AFAP1: variants seen among roughly 807,000 people sequenced by gnomAD.
AFAP1 encodes the protein actin filament associated protein 1.
Under a neutral mutation model 93.9 loss-of-function variants are expected in AFAP1, and 75 were observed. That is an observed-to-expected ratio of 0.80 (90% CI 0.66 to 0.97). AFAP1 has a LOEUF of 0.97. Among genes scored for constraint, AFAP1 ranks in the 50% least tolerant of loss-of-function variants. AFAP1 has a pLI of 0.00. For synonymous variants in AFAP1, 517 were observed against 430.7 expected (o/e 1.20, Z -2.48); for missense variants, 1,201 against 1,050.8 (o/e 1.14, Z -1.98).
At chr4:7,860,738 C>A (rs895249419) in intron 3 of AFAP1, among the ~76,000 whole-genome samples, 1 of 152,140 alleles carries the variant, frequency 6.6e-6, no homozygotes, top group Non-Finnish European at 1.5e-5. Context: ...TACCACACAG[C>A]GGGCTGAGCG....
Position 7,782,299 on chromosome 4 carries a change from C to CT in AFAP1, c.1531-673_1531-672insA, listed in dbSNP as rs1157296768. ...TCGCGCTCCTTCTGGGGACATGAGA[C>CT]CACCTGCAGGCTCCTCCAAGCCCCT... On this transcript the variant is annotated intron_variant, in intron 12 of 17. Coordinates refer to ENST00000420658, the MANE Select transcript of AFAP1 (RefSeq NM_001134647.2). 3.3e-5 allele frequency among the ~76,000 whole-genome samples: 5 copies of CT among 152,352 alleles called. No individual in the cohort carries two copies. In the East Asian group the frequency reaches 7.7e-4, roughly 24 times the overall value.
intron 3 of AFAP1, among the ~76,000 whole-genome samples, chr4:7,857,566 A>C (rs999556541): frequency 6.6e-6 from 1 of 152,166 alleles, no homozygotes; most frequent in Non-Finnish European, 1.5e-5. Flanking sequence ...CAGGTCCTTC[A>C]TATCTTCCTA....
intron 1 of AFAP1, among the ~76,000 whole-genome samples, chr4:7,879,912 G>A (rs570206750): frequency 6.6e-6 from 1 of 152,160 alleles, no homozygotes; most frequent in Middle Eastern, 3.4e-3. Flanking sequence ...TGATCGGCCT[G>A]CCTCGGCCTC....
intron 8 of AFAP1, 117 bp from the exon 9 acceptor site, chr4:7,809,880 G>T: frequency 8.1e-7 from 1 of 1,227,298 alleles, no homozygotes; most frequent in Non-Finnish European, 1.1e-6. Flanking sequence ...TTTTATTAAA[G>T]ACAGGGTCTC....
chr4:7,902,408 G>T (rs139360725), intron 1 of AFAP1, among the ~76,000 whole-genome samples: 1 of 152,298 alleles, frequency 6.6e-6, no homozygotes, highest in African/African-American at 2.4e-5. Flanking sequence ...AGCCCACAAT[G>T]GCTGCTAATC....
intron 4 of AFAP1, among the ~76,000 whole-genome samples, chr4:7,846,234 G>A (rs891485010): frequency 4.6e-5 from 7 of 152,160 alleles, no homozygotes; most frequent in African/African-American, 1.7e-4. Context: ...CTTGAATGGT[G>A]GTTACACAGA....
Position 7,769,014 on chromosome 4 carries a change from C to T in AFAP1, c.2254-6G>A, listed in dbSNP as rs563141184. 107 of 1,599,360 alleles carry T rather than the reference C, an allele frequency of 6.7e-5. No individual in the cohort carries two copies. Among genetic ancestry groups the T allele is most frequent in the African/African-American group, 5.5e-4 (41 of 74,684 alleles). On this transcript the variant is annotated splice_region_variant and splice_polypyrimidine_tract_variant and intron_variant, in intron 16 of 17. Transcript: ENST00000420658. The stretch of plus-strand genomic sequence containing the variant: ...CGGTGCCGGAACACTGGAGACTTAA[C>T]GGAGAGAGAGAACCCCATGTGATGA...
intron 10 of AFAP1, among the ~76,000 whole-genome samples, chr4:7,798,360 T>TCTATTGGCTGGCTCACGGCACTGCAACC (rs1718677375): frequency 3.7e-5 from 4 of 108,650 alleles, no homozygotes; most frequent in Admixed American, 3.3e-4. Flanking sequence ...GCACTGCAAC[T>TCTATTGGCTGGCTCACGGCACTGCAACC]CTATTGGCTG....
intron 6 of AFAP1, among the ~76,000 whole-genome samples, chr4:7,829,484 T>G (rs1721705729): frequency 6.6e-6 from 1 of 152,216 alleles, no homozygotes; most frequent in South Asian, 2.1e-4. Flanking sequence ...CAAACCTGGC[T>G]TTGCCTCAGT....
At chr4:7,799,504 C>T (rs1032851985) in intron 10 of AFAP1, among the ~76,000 whole-genome samples, 2 of 152,228 alleles carry the variant, frequency 1.3e-5, no homozygotes, top group Non-Finnish European at 2.9e-5. Flanking sequence ...CCGGCTCCCA[C>T]ACCAGGTGAG....
At position 7,781,481 on chromosome 4, in the gene AFAP1, C is replaced by G; in HGVS notation, c.1677G>C (p.Leu559=). Reference sequence around the variant, plus strand: ...GGTTAGAGGACAGCTTGTCAGCAGACAGCCTAGAGGCCTTTCTGTCAGCAG... The same window carrying G: ...GGTTAGAGGACAGCTTGTCAGCAGAGAGCCTAGAGGCCTTTCTGTCAGCAG... ...YSPADRKASR[L]SADKLSSNHY... The change falls in exon 13 of 18, where the codon CTG becomes CTC. Residue 559 remains leucine, a synonymous_variant. Transcript: ENST00000420658. 1 of 1,552,186 alleles carries G rather than the reference C, an allele frequency of 6.4e-7. No individual in the cohort carries two copies. Among genetic ancestry groups the G allele is most frequent in the Non-Finnish European group, 8.7e-7 (1 of 1,147,094 alleles).
chr4:7,799,244 C>T (rs541485134), intron 10 of AFAP1: 8 of 206,636 alleles, frequency 3.9e-5, no homozygotes, highest in African/African-American at 1.2e-4. Flanking sequence ...AAACCAGCCA[C>T]GGGGGCAGCA....
chr4:7,933,841 C>A (rs1721236415), intron 1 of AFAP1, among the ~76,000 whole-genome samples: 1 of 152,182 alleles, frequency 6.6e-6, no homozygotes, highest in Non-Finnish European at 1.5e-5. Flanking sequence ...TGCAGCCCAG[C>A]CCACATGGTG....
chr4:7,935,411 T>C (rs535565424), intron 1 of AFAP1, among the ~76,000 whole-genome samples: 3 of 152,206 alleles, frequency 2.0e-5, no homozygotes, highest in Non-Finnish European at 4.4e-5. Context: ...TTCATACTTA[T>C]ATCCTGTCAA....
At chr4:7,869,628 T>G (rs1286860792) in intron 2 of AFAP1, among the ~76,000 whole-genome samples, 2 of 152,124 alleles carry the variant, frequency 1.3e-5, no homozygotes, top group African/African-American at 4.8e-5. Context: ...CAAGTTTTAA[T>G]TTGGGCACAG....
chr4:7,920,723 C>T (rs980157516), intron 1 of AFAP1, among the ~76,000 whole-genome samples: 1 of 152,150 alleles, frequency 6.6e-6, no homozygotes, highest in African/African-American at 2.4e-5. Context: ...CTTCTTCCTT[C>T]GAATCTCTAT....
At chr4:7,822,573 C>G (rs1444413222) in intron 6 of AFAP1, among the ~76,000 whole-genome samples, 4 of 137,842 alleles carry the variant, frequency 2.9e-5, no homozygotes, top group Non-Finnish European at 6.2e-5. Context: ...TGTCTTCTTT[C>G]TTTTTCTTTT....
chr4:7,856,805 G>T (rs557278752), intron 3 of AFAP1, among the ~76,000 whole-genome samples: 1 of 152,284 alleles, frequency 6.6e-6, no homozygotes, highest in East Asian at 1.9e-4. Flanking sequence ...TGGCTGAGTG[G>T]CAGGAAAGCC....
intron 1 of AFAP1, among the ~76,000 whole-genome samples, chr4:7,908,766 C>T (rs1287514340): frequency 6.6e-6 from 1 of 152,198 alleles, no homozygotes; most frequent in Non-Finnish European, 1.5e-5. Context: ...ATAGGAAGCA[C>T]CTGTTCTTGT....
Sources: gnomAD v4.1 joint callset for allele counts (sites outside exome capture counted in the v4.1 genomes callset) on GRCh38, gnomAD v4.1.1 for gene constraint, MANE v1.5 for transcripts, NCBI Gene and HGNC (gene_info 2026-07-23, HGNC 2026-07-21) for gene names.